Variants in ARPC1B observed in about 807,000 individuals in gnomAD.
ARPC1B encodes actin-related protein 2/3 complex subunit 1B.
Under a neutral mutation model 46.0 loss-of-function variants are expected in ARPC1B, and 29 were observed. That is an observed-to-expected ratio of 0.63 (90% CI 0.47 to 0.86). The LOEUF is 0.86. Ranked by LOEUF, ARPC1B falls within the 40% of genes least tolerant of loss-of-function variation. The pLI, the probability that ARPC1B is intolerant of heterozygous loss-of-function variation, is 0.00. For missense variants in ARPC1B, 469 were observed against 529.4 expected (o/e 0.89, Z 1.12); for synonymous variants, 201 against 213.9 (o/e 0.94, Z 0.53).
chr7:99,393,499 G>A (rs1466407773), intron 8 of ARPC1B, among the ~76,000 whole-genome samples: 4 of 152,072 alleles, frequency 2.6e-5, no homozygotes, highest in Non-Finnish European at 5.9e-5. Flanking sequence ...GGTGGGGGCG[G>A]AGCTGAGGGT....
intron 3 of ARPC1B, among the ~76,000 whole-genome samples, chr7:99,387,474 G>A (rs1169688368): frequency 6.6e-6 from 1 of 151,644 alleles, no homozygotes; most frequent in African/African-American, 2.4e-5. Context: ...GCGGTGGCTT[G>A]CGCCTGTACT....
intron 1 of ARPC1B, among the ~76,000 whole-genome samples, chr7:99,382,588 C>T (rs1794261775): frequency 6.6e-6 from 1 of 151,962 alleles, no homozygotes. Context: ...CCTGCCTCAG[C>T]TTCCTGAATA....
intron 1 of ARPC1B, among the ~76,000 whole-genome samples, chr7:99,380,940 C>T (rs1794198847): frequency 6.6e-6 from 1 of 152,206 alleles, no homozygotes; most frequent in African/African-American, 2.4e-5. Context: ...CACCCTGCCC[C>T]TGCCCTGCTG....
chr7:99,378,377 TG>T (rs1284333818), intron 1 of ARPC1B, among the ~76,000 whole-genome samples: 1 of 151,916 alleles, frequency 6.6e-6, no homozygotes, highest in African/African-American at 2.4e-5. Flanking sequence ...CCCACCTGTT[TG>T]CTTTTAAAAA....
chr7:99,385,559 C>A, intron 1 of ARPC1B, 143 bp from the exon 2 acceptor site: 1 of 682,980 alleles, frequency 1.5e-6, no homozygotes, highest in Non-Finnish European at 2.5e-6. Context: ...GCCCCTGCTG[C>A]TCCTCTCTGC....
At chr7:99,381,435 C>T (rs932156870) in intron 1 of ARPC1B, among the ~76,000 whole-genome samples, 4 of 152,150 alleles carry the variant, frequency 2.6e-5, no homozygotes, top group African/African-American at 7.2e-5. Context: ...CAAGGCTTAA[C>T]ATGCAAAGTG....
rs145258906 is a variant in ARPC1B at position 99,388,065 on chromosome 7, C to T, written c.196C>T (p.Arg66Cys). ...CATCGACTGGGCCCCCGAGAGTAAC[C>T]GTATTGTGACCTGCGGCACAGACCG... ...TGIDWAPESN[R>C]IVTCGTDRNA... The change falls in exon 4 of 10, where the codon CGT becomes TGT. Residue 66 changes from arginine (R) to cysteine (C), a missense_variant. Physicochemically the swap from Arg to Cys is radical, Grantham distance 180 (BLOSUM62 -3). Transcript: ENST00000646101. 27 of 1,609,958 alleles carry T rather than the reference C, an allele frequency of 1.7e-5. No individual in the cohort carries two copies. Among genetic ancestry groups the T allele is most frequent in the South Asian group, 7.7e-5 (7 of 90,996 alleles).
Position 99,394,793 on chromosome 7 carries a change from A to T in ARPC1B, c.*304A>T. 8.1e-7 allele frequency: 1 copy of T among 1,234,352 alleles called. No homozygotes were observed. Among genetic ancestry groups the T allele is most frequent in the African/African-American group, 1.6e-5 (1 of 64,252 alleles). 76.5% of individuals were successfully genotyped at this position (1,234,352 alleles called of 1,614,324 possible). On this transcript the variant is annotated 3_prime_UTR_variant, in exon 10 of 10. Coordinates refer to ENST00000646101, the MANE Select transcript of ARPC1B (RefSeq NM_005720.4). ...ATGCAACTGTGTAAAAAAAAAAAAA[A>T]AAAAAAAAGTAATTATGGACATGCT...
At chr7:99,376,045 G>C (rs761661065) in intron 1 of ARPC1B, among the ~76,000 whole-genome samples, 3 of 143,402 alleles carry the variant, frequency 2.1e-5, no homozygotes, top group Admixed American at 7.0e-5. Context: ...CTGGGCAACA[G>C]AGCAAGACTC....
Position 99,390,889 on chromosome 7 carries a change from G to C in ARPC1B, c.501-4G>C, listed in dbSNP as rs769523636. On this transcript the variant is annotated splice_region_variant and splice_polypyrimidine_tract_variant and intron_variant, in intron 5 of 9. Coordinates refer to ENST00000646101, the MANE Select transcript of ARPC1B (RefSeq NM_005720.4). ...CTTTACCTCTACTTTGCCTATCCCG[G>C]TAGGATCTTTTCAGCCTACATCAAG... 6.3e-7 allele frequency: 1 copy of C among 1,599,570 alleles called. No homozygotes were observed.
chr7:99,391,302 G>T, intron 7 of ARPC1B, 49 bp downstream of exon 7: 2 of 1,573,402 alleles, frequency 1.3e-6, no homozygotes, highest in South Asian at 2.3e-5. Flanking sequence ...GCAGGCCTCC[G>T]AGAGAGCCCA....
In ARPC1B at chr7:99,375,868, C is replaced by A. The variant is rs534586466; in HGVS notation, c.-14+1087C>A. On this transcript the variant is annotated intron_variant, in intron 1 of 9. Coordinates refer to ENST00000646101, the MANE Select transcript of ARPC1B (RefSeq NM_005720.4). ...CTTGAGGTCAGGAGTTCGAGACTAG[C>A]CTGACCGACATGGTGAAACCCTGTC... Among the ~76,000 whole-genome samples the A allele has an allele frequency of 3.3e-5, 5 of 152,154 alleles. No individual in the cohort carries two copies. The South Asian group carries it at 6.2e-4, about 19-fold the overall frequency.
intron 1 of ARPC1B, among the ~76,000 whole-genome samples, chr7:99,375,985 CCG>C (rs1287003802): frequency 6.6e-6 from 1 of 151,548 alleles, no homozygotes; most frequent in Non-Finnish European, 1.5e-5. Flanking sequence ...TTGCTTGAAC[CCG>C]GGAGGCAGAG....
chr7:99,375,888 C>T (rs1394188226), intron 1 of ARPC1B, among the ~76,000 whole-genome samples: 2 of 151,988 alleles, frequency 1.3e-5, no homozygotes, highest in African/African-American at 4.8e-5. Flanking sequence ...ATGGTGAAAC[C>T]CTGTCTCTAC....
intron 3 of ARPC1B, among the ~76,000 whole-genome samples, chr7:99,387,318 C>T (rs1458128497): frequency 6.6e-6 from 1 of 152,192 alleles, no homozygotes; most frequent in Non-Finnish European, 1.5e-5. Flanking sequence ...CCTGTAGTCC[C>T]AGATACTCTG....
intron 1 of ARPC1B, among the ~76,000 whole-genome samples, chr7:99,379,536 G>C (rs1318951637): frequency 2.6e-5 from 4 of 152,148 alleles, no homozygotes; most frequent in African/African-American, 9.7e-5. Context: ...CTCTGATACA[G>C]CCAAACCTCT....
chr7:99,390,114 C>T (rs1406141329), intron 5 of ARPC1B, 102 bp downstream of exon 5: 1 of 1,051,998 alleles, frequency 9.5e-7, no homozygotes, highest in East Asian at 2.5e-5. Context: ...AGCTTCTAGA[C>T]ACATTCCAGA....
At chr7:99,392,980 T>C (rs2150898301) in intron 8 of ARPC1B, 104 bp downstream of exon 8, 1 of 1,245,668 alleles carries the variant, frequency 8.0e-7, no homozygotes, top group South Asian at 1.6e-5. Context: ...GGCATTGTGC[T>C]GGGACCTTGA....
Position 99,389,917 on chromosome 7 carries a change from G to A in ARPC1B, c.405G>A (p.Lys135=), listed in dbSNP as rs1310552892. 3.1e-6 allele frequency: 5 copies of A among 1,614,100 alleles called. No homozygotes were observed. Among genetic ancestry groups the A allele is most frequent in the Non-Finnish European group, 4.2e-6 (5 of 1,179,990 alleles). The change falls in exon 5 of 10, where the codon AAG becomes AAA. Residue 135 remains lysine, a synonymous_variant. Transcript: ENST00000646101. ...CCACCGTTCCCAGGTGGGTTTGCAA[G>A]CACATCAAGAAGCCCATCCGCTCCA... The part of the protein sequence containing the change: ...FEQENDWWVC[K]HIKKPIRSTV...
Sources: allele counts gnomAD v4.1 joint callset (sites outside exome capture counted in the v4.1 genomes callset), GRCh38; gene constraint gnomAD v4.1.1; transcripts MANE v1.5; gene names NCBI Gene and HGNC (gene_info 2026-07-23, HGNC 2026-07-21).